HDAC9: variants seen among roughly 807,000 people sequenced by gnomAD.
The protein encoded by HDAC9 is MEF-2 interacting transcription repressor (MITR) protein.
In HDAC9, 41 loss-of-function variants were observed where a neutral mutation model predicts 139.4. That is an observed-to-expected ratio of 0.29 (90% CI 0.23 to 0.38). The LOEUF (loss-of-function observed/expected upper bound fraction) is 0.38. Among genes scored for constraint, HDAC9 ranks in the 10% least tolerant of loss-of-function variants. The probability of loss-of-function intolerance (pLI) is 1.00; values close to 1 mark genes in which losing one functional copy is unlikely to be tolerated. For synonymous variants in HDAC9, 517 were observed against 476.2 expected (o/e 1.09, Z -1.12); for missense variants, 1,147 against 1,297.0 (o/e 0.88, Z 1.78).
intron 2 of HDAC9, chr7:18,517,738 C>T (rs953571355): frequency 6.6e-6 from 1 of 152,172 alleles, no homozygotes; most frequent in Non-Finnish European, 1.5e-5. Context: ...CTGTTTTCTT[C>T]CATTCTCACC....
At chr7:18,664,570 A>G (rs977198820) in intron 11 of HDAC9, among the ~76,000 whole-genome samples, 3 of 152,004 alleles carry the variant, frequency 2.0e-5, no homozygotes, top group Non-Finnish European at 1.5e-5. Flanking sequence ...TCCTTTTCCA[A>G]TCCAAAGTCC....
Position 18,348,079 on chromosome 7 carries a change from G to A in HDAC9, c.-42+57564G>A, listed in dbSNP as rs570222874. Among the ~76,000 whole-genome samples the A allele has an allele frequency of 2.6e-4, 40 of 152,248 alleles. No homozygotes were observed. In the South Asian group the frequency reaches 7.9e-3, roughly 30 times the overall value. On this transcript the variant is annotated intron_variant, in intron 1 of 3. Coordinates refer to the HDAC9 transcript ENST00000413509. ...GTTTCTCAAAATTCCCTCATCATTA[G>A]GATCTCTTGAATTGCTGGTTTAAAA...
chr7:18,513,482 A>G (rs1802198296), intron 2 of HDAC9, among the ~76,000 whole-genome samples: 1 of 152,206 alleles, frequency 6.6e-6, no homozygotes, highest in Non-Finnish European at 1.5e-5. Context: ...GTGACTTTTA[A>G]GCTGATGCCT....
rs1335225928 is a variant in HDAC9, at chr7:18,997,596, C to A, written c.*1534C>A. On this transcript the variant is annotated 3_prime_UTR_variant, in exon 26 of 26. Coordinates refer to ENST00000686413, the MANE Select transcript of HDAC9 (RefSeq NM_178425.4). Reference sequence around the variant, plus strand: ...AAAGCCATAAGTGAAGATTGTCATGCTTTTATTCAGAAATCTGAAAGAAAC... The same window carrying A: ...AAAGCCATAAGTGAAGATTGTCATGATTTTATTCAGAAATCTGAAAGAAAC... 1 of 152,010 alleles carries A rather than the reference C, an allele frequency of 6.6e-6. No homozygotes were observed. The highest frequency in any genetic ancestry group is 1.9e-4 in the East Asian group (1 of 5,188). 9.4% of individuals were successfully genotyped at this position (152,010 alleles called of 1,614,324 possible). A position where few individuals can be genotyped will look rare whatever the true frequency, so the allele number is the denominator to read the frequency against.
intron 2 of HDAC9, among the ~76,000 whole-genome samples, chr7:18,542,048 C>G (rs1477199628): frequency 3.9e-5 from 6 of 152,120 alleles, no homozygotes; most frequent in African/African-American, 1.4e-4. Context: ...TCTCTGGCCT[C>G]TACGCCCTAG....
At chr7:18,897,075 A>C (rs1019644398) in intron 22 of HDAC9, among the ~76,000 whole-genome samples, 1 of 152,024 alleles carries the variant, frequency 6.6e-6, no homozygotes, top group African/African-American at 2.4e-5. Flanking sequence ...TTCTAGTTTA[A>C]AACCACAACC....
At chr7:18,356,502 C>T (rs1783316055) in intron 1 of HDAC9, among the ~76,000 whole-genome samples, 1 of 151,414 alleles carries the variant, frequency 6.6e-6, no homozygotes, top group African/African-American at 2.4e-5. Flanking sequence ...ATAGTGACTC[C>T]TGCGAATGAA....
intron 1 of HDAC9, among the ~76,000 whole-genome samples, chr7:18,385,190 A>T (rs1785803782): frequency 6.6e-6 from 1 of 152,196 alleles, no homozygotes; most frequent in South Asian, 2.1e-4. Context: ...TACTGCAAAA[A>T]GAGGCAAAGT....
At position 18,132,790 on chromosome 7, in the gene HDAC9, G is replaced by T. The variant is rs569838399; in HGVS notation, c.-96-29439G>T. 2.3e-3 allele frequency among the ~76,000 whole-genome samples: 344 copies of T among 152,194 alleles called. 2 individuals carry two copies. The highest frequency in any genetic ancestry group is 0.01 in the Middle Eastern group (3 of 294). On this transcript the variant is annotated intron_variant, in intron 1 of 12. Coordinates refer to the HDAC9 transcript ENST00000417496. ...TAAAATAAAGAGTTGGGCCTAGATTGGTTTTTAGTAAGGTGATTGGTGCAA... is the reference window on the plus strand; with the variant it reads ...TAAAATAAAGAGTTGGGCCTAGATTTGTTTTTAGTAAGGTGATTGGTGCAA...
intron 2 of HDAC9, among the ~76,000 whole-genome samples, chr7:18,249,562 G>A (rs1469491648): frequency 1.3e-5 from 2 of 149,414 alleles, no homozygotes; most frequent in African/African-American, 4.9e-5. Flanking sequence ...TTTTTTAAGT[G>A]GGTAGTTTTA....
chr7:18,796,076 A>C (rs2588612), intron 17 of HDAC9, among the ~76,000 whole-genome samples: 126,791 of 152,176 alleles, frequency 0.83, 53,452 homozygotes, highest in African/African-American at 0.91. Context: ...AATTAAATAA[A>C]ATTGGCATGT....
chr7:18,205,907 A>G (rs547373487), intron 2 of HDAC9, among the ~76,000 whole-genome samples: 1 of 152,248 alleles, frequency 6.6e-6, no homozygotes, highest in East Asian at 1.9e-4. Context: ...ATACTTTTTT[A>G]TCTTTCTTTA....
intron 2 of HDAC9, among the ~76,000 whole-genome samples, chr7:18,520,197 T>C (rs1197431277): frequency 6.6e-6 from 1 of 152,156 alleles, no homozygotes; most frequent in Non-Finnish European, 1.5e-5. Flanking sequence ...AATTTACGTA[T>C]CTGTGAGAAA....
intron 15 of HDAC9, among the ~76,000 whole-genome samples, chr7:18,763,423 AC>A (rs1357300397): frequency 2.0e-5 from 3 of 152,326 alleles, no homozygotes; most frequent in East Asian, 3.9e-4. Context: ...AGAGGGGAAT[AC>A]ATAAAGATTA....
intron 23 of HDAC9, among the ~76,000 whole-genome samples, chr7:18,938,179 C>T (rs998274892): frequency 7.2e-6 from 1 of 138,774 alleles, no homozygotes; most frequent in Admixed American, 8.7e-5. Context: ...TGGCATGAGC[C>T]GAGATCCCGC....
chr7:18,213,405 C>T (rs190596718), intron 2 of HDAC9, among the ~76,000 whole-genome samples: 5 of 152,240 alleles, frequency 3.3e-5, no homozygotes, highest in African/African-American at 9.6e-5. Flanking sequence ...TAACTTTCTT[C>T]TACCCATGTC....
At chr7:18,600,672 A>T (rs1833711535) in intron 6 of HDAC9, among the ~76,000 whole-genome samples, 4 of 152,164 alleles carry the variant, frequency 2.6e-5, no homozygotes, top group African/African-American at 4.8e-5. Flanking sequence ...TGTCTTGATT[A>T]CTGTAACTTC....
intron 1 of HDAC9, among the ~76,000 whole-genome samples, chr7:18,356,702 C>T (rs1389123929): frequency 6.6e-6 from 1 of 151,620 alleles, no homozygotes; most frequent in Non-Finnish European, 1.5e-5. Flanking sequence ...CCGGTATTTG[C>T]ACATGGGGGA....
chr7:18,103,034 TCACAGTTC>T (rs1451579800), intron 1 of HDAC9, among the ~76,000 whole-genome samples: 1 of 152,208 alleles, frequency 6.6e-6, no homozygotes, highest in Non-Finnish European at 1.5e-5. Flanking sequence ...TTTAAGGGAC[TCACAGTTC>T]CACATTGCGG....
Sources: gnomAD v4.1 joint callset for allele counts (sites outside exome capture counted in the v4.1 genomes callset) on GRCh38, gnomAD v4.1.1 for gene constraint, MANE v1.5 for transcripts, NCBI Gene and HGNC (gene_info 2026-07-23, HGNC 2026-07-21) for gene names.